Variants in BDH1 observed in about 807,000 individuals in gnomAD.
BDH1 encodes the protein 3-hydroxybutyrate dehydrogenase 1, also known as D-beta-hydroxybutyrate dehydrogenase, mitochondrial.
A neutral mutation model predicts 33.1 loss-of-function variants in BDH1; 30 were observed. That is an observed-to-expected ratio of 0.91 (90% confidence interval 0.68 to 1.23). BDH1 has a LOEUF of 1.23. Among genes scored for constraint, BDH1 ranks in the 50% most tolerant of loss-of-function variants. The probability of loss-of-function intolerance (pLI) is 0.00; values close to 1 mark genes in which losing one functional copy is unlikely to be tolerated. For synonymous variants in BDH1, 190 were observed against 183.6 expected (o/e 1.03, Z -0.28); for missense variants, 443 against 464.4 (o/e 0.95, Z 0.42).
chr3:197,511,795 T>G lies in BDH1; in HGVS notation c.*100A>C, dbSNP rs934635590. On this transcript the variant is annotated 3_prime_UTR_variant, in exon 8 of 8. Coordinates refer to ENST00000392379, the MANE Select transcript of BDH1 (RefSeq NM_203314.3). ...CCAGTTATGGGTCTTCCTGGCATGG[T>G]GGATAATCCACACGTGGATAATCAA... 1 of 1,189,064 alleles carries G rather than the reference T, an allele frequency of 8.4e-7. No individual in the cohort carries two copies. Among genetic ancestry groups the G allele is most frequent in the Non-Finnish European group, 1.2e-6 (1 of 848,010 alleles). 73.7% of individuals were successfully genotyped at this position (1,189,064 alleles called of 1,614,324 possible).
At chr3:197,532,282 A>G in intron 5 of BDH1, 130 bp downstream of exon 5, 1 of 691,202 alleles carries the variant, frequency 1.4e-6, no homozygotes, top group Non-Finnish European at 2.6e-6. Context: ...AGTGGGACTG[A>G]AGCCGATGGA....
intron 3 of BDH1, among the ~76,000 whole-genome samples, chr3:197,535,424 C>T (rs1442671043): frequency 6.6e-6 from 1 of 152,156 alleles, no homozygotes; most frequent in African/African-American, 2.4e-5. Context: ...CACTTGGACT[C>T]GGAATCAGGA....
intron 2 of BDH1, among the ~76,000 whole-genome samples, chr3:197,553,391 T>C (rs1252138263): frequency 6.6e-6 from 1 of 150,864 alleles, no homozygotes; most frequent in Non-Finnish European, 1.5e-5. Context: ...TAGCTGGGTG[T>C]GGTCGCTCGC....
chr3:197,564,882 A>G (rs1032058832), intron 1 of BDH1, among the ~76,000 whole-genome samples: 3 of 152,234 alleles, frequency 2.0e-5, no homozygotes, highest in African/African-American at 7.2e-5. Context: ...ATAAAATTTT[A>G]GAGAACAAAT....
chr3:197,532,543 C>T, intron 4 of BDH1, 21 bp from the exon 5 acceptor site: 1 of 1,593,050 alleles, frequency 6.3e-7, no homozygotes, highest in Admixed American at 1.7e-5. Context: ...AGGTCAGATT[C>T]CATGTTAGGA....
chr3:197,555,558 C>G (rs932284031), intron 1 of BDH1: 5 of 152,310 alleles, frequency 3.3e-5, no homozygotes, highest in Non-Finnish European at 5.9e-5. Context: ...CTGGAGACGC[C>G]GGCAGAAAAG....
intron 4 of BDH1, 137 bp downstream of exon 4, chr3:197,533,352 A>T: frequency 1.2e-6 from 1 of 825,230 alleles, no homozygotes; most frequent in Non-Finnish European, 2.0e-6. Context: ...GCTTTGGGGG[A>T]GGGTTAAGTG....
At chr3:197,546,310 G>A in intron 3 of BDH1, 51 bp downstream of exon 3, 1 of 1,577,946 alleles carries the variant, frequency 6.3e-7, no homozygotes. Context: ...GAAAACCTCT[G>A]CCTGCTCAGA....
rs1157331550 is a variant in BDH1, at chr3:197,516,179, T to C, written c.410-1763A>G. On this transcript the variant is annotated intron_variant, in intron 6 of 7. Coordinates refer to ENST00000392379, the MANE Select transcript of BDH1 (RefSeq NM_203314.3). This position sits in a 1 kb window ranked among gnomAD's most constrained non-coding sequence, Gnocchi z 4.2. ...TCTTTCACCTGCCCCCAGATACAAG[T>C]GGCCCCCAATGTCCTGGCCTAATCC... Among the ~76,000 whole-genome samples the C allele has an allele frequency of 6.6e-6, 1 of 152,212 alleles. No homozygotes were observed. Among genetic ancestry groups the C allele is most frequent in the Non-Finnish European group, 1.5e-5 (1 of 68,036 alleles).
intron 3 of BDH1, among the ~76,000 whole-genome samples, chr3:197,541,307 G>A (rs1410150703): frequency 6.6e-6 from 1 of 152,222 alleles, no homozygotes. Context: ...CAGTGCAACA[G>A]GTCCTGGGGG....
At chr3:197,560,688 G>A (rs772092935), upstream of BDH1, among the ~76,000 whole-genome samples, 11 of 152,198 alleles carry the variant, frequency 7.2e-5, no homozygotes, top group Admixed American at 6.5e-5. Context: ...CAAGGAACAA[G>A]CATTTCAAAC....
chr3:197,566,111 A>T (rs6786459), intron 1 of BDH1, among the ~76,000 whole-genome samples: 70,189 of 152,154 alleles, frequency 0.46, 18,494 homozygotes, highest in African/African-American at 0.72. Flanking sequence ...TGTTTCTGTC[A>T]ACCTGATTTC....
intron 5 of BDH1, 126 bp downstream of exon 5, chr3:197,532,286 C>T (rs557920668): frequency 2.1e-5 from 15 of 707,658 alleles, no homozygotes; most frequent in East Asian, 1.1e-4. Context: ...GGACTGAAGC[C>T]GATGGAAAAT....
Position 197,516,021 on chromosome 3 carries a change from C to T in BDH1, c.410-1605G>A, listed in dbSNP as rs760120481. Among the ~76,000 whole-genome samples, 11 of 152,212 alleles carry T rather than the reference C, an allele frequency of 7.2e-5. No homozygotes were observed. Among genetic ancestry groups the T allele is most frequent in the Non-Finnish European group, 1.3e-4 (9 of 68,036 alleles). On this transcript the variant is annotated intron_variant, in intron 6 of 7. Transcript: ENST00000392379. This position sits in a 1 kb window ranked among gnomAD's most constrained non-coding sequence, Gnocchi z 4.2. The stretch of plus-strand genomic sequence containing the variant: ...TCTCCAGGGTCTCCAGGGTGGTACA[C>T]CAAGGACCTCACCCCCAGTCTTCAC...
chr3:197,530,733 G>C (rs1034238274), intron 5 of BDH1: 3 of 152,546 alleles, frequency 2.0e-5, no homozygotes, highest in Middle Eastern at 3.2e-3. Flanking sequence ...CCACTCAGTG[G>C]GTGCTTCAAA....
At chr3:197,537,794 T>G (rs1011730816) in intron 3 of BDH1, among the ~76,000 whole-genome samples, 1 of 152,232 alleles carries the variant, frequency 6.6e-6, no homozygotes, top group African/African-American at 2.4e-5. Flanking sequence ...TTTAGTTCAT[T>G]AATTTGGTGG....
chr3:197,540,848 G>A (rs1399514915), intron 3 of BDH1, among the ~76,000 whole-genome samples: 4 of 152,210 alleles, frequency 2.6e-5, no homozygotes, highest in South Asian at 2.1e-4. Context: ...AGTCAATGGC[G>A]CATTTCTACT....
intron 2 of BDH1, among the ~76,000 whole-genome samples, chr3:197,550,803 C>A (rs1032161156): frequency 1.3e-5 from 2 of 152,156 alleles, no homozygotes; most frequent in African/African-American, 4.8e-5. Flanking sequence ...CCATCTGCCC[C>A]CCAGCTCCAG....
chr3:197,539,235 G>C (rs1579957066), intron 3 of BDH1, among the ~76,000 whole-genome samples: 1 of 152,144 alleles, frequency 6.6e-6, no homozygotes, highest in African/African-American at 2.4e-5. Context: ...TGCAACCTGG[G>C]TTCAAGCAAT....
Sources: gnomAD v4.1 joint callset for allele counts (sites outside exome capture counted in the v4.1 genomes callset) on GRCh38, gnomAD v4.1.1 for gene constraint, Gnocchi (gnomAD v3.1) non-coding constraint, MANE v1.5 for transcripts, NCBI Gene and HGNC (gene_info 2026-07-23, HGNC 2026-07-21) for gene names.